Variants in ENPP7 observed in about 807,000 individuals in gnomAD.
The protein encoded by ENPP7 is ectonucleotide pyrophosphatase/phosphodiesterase 7.
A neutral mutation model predicts 33.6 loss-of-function variants in ENPP7; 39 were observed. The ratio of observed to expected loss-of-function variants is 1.16; its 90% CI spans 0.90 to 1.52. The LOEUF (loss-of-function observed/expected upper bound fraction) is 1.52, where lower values mean the gene tolerates loss of function less well. Among genes scored for constraint, ENPP7 ranks in the 40% most tolerant of loss-of-function variants. The pLI is 0.00. For synonymous variants in ENPP7, 244 were observed against 274.3 expected (o/e 0.89, Z 1.09); for missense variants, 594 against 641.0 (o/e 0.93, Z 0.79).
chr17:79,732,122 A>ATG (rs2094287020), intron 1 of ENPP7, among the ~76,000 whole-genome samples: 1 of 34,930 alleles, frequency 2.9e-5, no homozygotes, highest in East Asian at 5.9e-4. Flanking sequence ...ATATATATAC[A>ATG]TATATATATG....
chr17:79,736,168 G>C (rs1422528066), intron 3 of ENPP7, among the ~76,000 whole-genome samples: 1 of 152,158 alleles, frequency 6.6e-6, no homozygotes, highest in African/African-American at 2.4e-5. Flanking sequence ...GCCTCCCAAA[G>C]TTATGGGATT....
chr17:79,734,504 G>A (rs2094291674), intron 2 of ENPP7, among the ~76,000 whole-genome samples: 1 of 148,268 alleles, frequency 6.7e-6, no homozygotes, highest in South Asian at 2.1e-4. Context: ...TTGAGACGGA[G>A]TCTCGCTCTG....
At position 79,731,342 on chromosome 17, in the gene ENPP7, C is replaced by A. The variant is rs782559987; in HGVS notation, c.203C>A (p.Thr68Asn). The A allele has an allele frequency of 1.2e-6, 2 of 1,613,250 alleles. No homozygotes were observed. The highest frequency in any genetic ancestry group is 2.2e-5 in the East Asian group (1 of 44,866). ...GACGGGGTGAAGGCACGCTACATGA[C>A]CCCCGCCTTTGTCACCATGACCAGC... ...ARDGVKARYM[T>N]PAFVTMTSPC... The change falls in exon 1 of 6, where the codon ACC becomes AAC. Residue 68 changes from threonine (T) to asparagine (N), a missense_variant. Thr to Asn is a moderately conservative substitution (Grantham distance 65). Around this residue, in one of 3 missense-constraint regions of ENPP7, gnomAD observed 85 missense variants for 111.3 expected, o/e 0.76. Transcript: ENST00000328313.
At position 79,739,043 on chromosome 17, in the gene ENPP7, C is replaced by G. The variant is rs1438638292; in HGVS notation, c.*16+981C>G. ...AAGAAGAGACGGCCACAGGCAGGGA[C>G]GAGGCAGGCGCGACCTTGTCATTTG... is the stretch of plus-strand genomic sequence containing the variant. On this transcript the variant is annotated intron_variant, in intron 5 of 5. Transcript: ENST00000328313. This position sits in a 1 kb window ranked among gnomAD's most constrained non-coding sequence, Gnocchi z 4.4. 1 of 152,204 alleles carries G rather than the reference C, an allele frequency of 6.6e-6. No homozygotes were observed. Among genetic ancestry groups the G allele is most frequent in the Non-Finnish European group, 1.5e-5 (1 of 68,066 alleles). The allele number at this position is 152,204 out of a possible 1,614,324, so 9.4% of individuals were successfully genotyped here.
chr17:79,735,016 T>C lies in ENPP7; in HGVS notation c.400-27T>C, dbSNP rs782500572. ...CAAGGGGCAGCCCACTGAGGAGTCC[T>C]GTCTTTCACGCTGCCTTGTCTGGCA... On this transcript the variant is annotated intron_variant, in intron 2 of 5. Coordinates refer to ENST00000328313, the MANE Select transcript of ENPP7 (RefSeq NM_178543.5). This position sits in a 1 kb window ranked among gnomAD's most constrained non-coding sequence, Gnocchi z 5.5. The C allele has an allele frequency of 6.2e-7, 1 of 1,607,692 alleles. No homozygotes were observed.
chr17:79,734,394 C>G (rs951084906), intron 2 of ENPP7, among the ~76,000 whole-genome samples: 9 of 151,968 alleles, frequency 5.9e-5, no homozygotes, highest in Non-Finnish European at 2.9e-5. Flanking sequence ...TCACAAGGCT[C>G]TTGATCCAAT....
rs2094300033 is a variant in ENPP7 at position 79,738,440 on chromosome 17, G to A, written c.*16+378G>A. Reference sequence around the variant, plus strand: ...ACCGTCACCTGCGGTGCATTTGGGAGGAGAGCTCTGGGGCTGTGTTCCTGG... The same window carrying A: ...ACCGTCACCTGCGGTGCATTTGGGAAGAGAGCTCTGGGGCTGTGTTCCTGG... On this transcript the variant is annotated intron_variant, in intron 5 of 5. Coordinates refer to ENST00000328313, the MANE Select transcript of ENPP7 (RefSeq NM_178543.5). This position sits in a 1 kb window ranked among gnomAD's most constrained non-coding sequence, Gnocchi z 6.2. 1 of 219,402 alleles carries A rather than the reference G, an allele frequency of 4.6e-6. No individual in the cohort carries two copies. Among genetic ancestry groups the A allele is most frequent in the African/African-American group, 2.2e-5 (1 of 44,898 alleles). The allele number at this position is 219,402 out of a possible 1,614,324, so 13.6% of individuals were successfully genotyped here.
rs781959373 is a variant in ENPP7, at chr17:79,735,554, ACCCCAAG to A, written c.913_919del (p.Pro305SerfsTer25). On this transcript the variant is annotated frameshift_variant, in exon 3 of 6. Transcript: ENST00000328313. LOFTEE classifies it high-confidence loss of function. The surrounding 1 kb of genome is among the most constrained non-coding windows in gnomAD (Gnocchi z 5.5). ...GTGTACGATGCCCTCAAGGACGCCCACCCCAAGCTCCACGTCTACAAGAAGGAGGCGT... is the reference window on the plus strand; with the variant it reads ...GTGTACGATGCCCTCAAGGACGCCCACTCCACGTCTACAAGAAGGAGGCGT... 8.7e-5 allele frequency: 141 copies of A among 1,613,584 alleles called. No homozygotes were observed. The highest frequency in any genetic ancestry group is 1.1e-4 in the Non-Finnish European group (131 of 1,179,978).
At position 79,737,314 on chromosome 17, in the gene ENPP7, C is replaced by A; in HGVS notation, c.1246+54C>A. 1.4e-6 allele frequency: 2 copies of A among 1,447,818 alleles called. No individual in the cohort carries two copies. Among genetic ancestry groups the A allele is most frequent in the Non-Finnish European group, 1.9e-6 (2 of 1,066,446 alleles). 89.7% of individuals were successfully genotyped at this position (1,447,818 alleles called of 1,614,324 possible). On this transcript the variant is annotated intron_variant, in intron 4 of 5. Transcript: ENST00000328313. The surrounding 1 kb of genome is among the most constrained non-coding windows in gnomAD (Gnocchi z 5.5). ...CTGCTCTGGTGTGTACACGTGTGCA[C>A]ACGAGGGTGCCTGCATGCCTGTGAC... is the stretch of plus-strand genomic sequence containing the variant.
rs1470530281 is a variant in ENPP7, at chr17:79,742,068, C to T, written c.*291C>T. 3 of 481,918 alleles carry T rather than the reference C, an allele frequency of 6.2e-6. No homozygotes were observed. The African/African-American group carries it at 6.3e-5, about 10-fold the overall frequency. 29.9% of individuals were successfully genotyped at this position (481,918 alleles called of 1,614,324 possible). A position where few individuals can be genotyped will look rare whatever the true frequency, so the allele number is the denominator to read the frequency against. ...TCGGGCCCCCTCCTCCTGCAAAACC[C>T]GCTCCCGAAGCGGCGCTGCCGTCTG... On this transcript the variant is annotated 3_prime_UTR_variant, in exon 6 of 6. Coordinates refer to ENST00000328313, the MANE Select transcript of ENPP7 (RefSeq NM_178543.5).
rs1555823476 is a variant in ENPP7, at chr17:79,735,678, C to T, written c.1026+9C>T. 7.5e-6 allele frequency: 12 copies of T among 1,596,208 alleles called. No homozygotes were observed. In the East Asian group the frequency reaches 2.7e-4, roughly 36 times the overall value. The stretch of plus-strand genomic sequence containing the variant: ...GCTACGTCATCCATGGGGTGAGTCG[C>T]CTGCTGGAGGCACCACCTCCAGGGG... On this transcript the variant is annotated intron_variant, in intron 3 of 5. Transcript: ENST00000328313. This position sits in a 1 kb window ranked among gnomAD's most constrained non-coding sequence, Gnocchi z 5.5.
Position 79,738,255 on chromosome 17 carries a change from C to G in ENPP7, c.*16+193C>G. 1.7e-6 allele frequency: 1 copy of G among 583,260 alleles called. No homozygotes were observed. Among genetic ancestry groups the G allele is most frequent in the Non-Finnish European group, 3.0e-6 (1 of 328,462 alleles). 36.1% of individuals were successfully genotyped at this position (583,260 alleles called of 1,614,324 possible). On this transcript the variant is annotated intron_variant, in intron 5 of 5. Coordinates refer to ENST00000328313, the MANE Select transcript of ENPP7 (RefSeq NM_178543.5). This position sits in a 1 kb window ranked among gnomAD's most constrained non-coding sequence, Gnocchi z 6.2. ...CCCGAGGCTGACCCTTCCAGCCTCTCTGCTCTGGGCTTGGAGGAGGTCTTT... is the reference window on the plus strand; with the variant it reads ...CCCGAGGCTGACCCTTCCAGCCTCTGTGCTCTGGGCTTGGAGGAGGTCTTT...
chr17:79,731,274 C>A lies in ENPP7; in HGVS notation c.135C>A (p.Tyr45Ter). The A allele has an allele frequency of 1.2e-6, 2 of 1,613,924 alleles. No individual in the cohort carries two copies. The highest frequency in any genetic ancestry group is 1.7e-6 in the Non-Finnish European group (2 of 1,179,984). ...CCTTCGACGGCTTCCGCTGGAACTA[C>A]GACCAGGACGTGGACACCCCCAACC... is the stretch of plus-strand genomic sequence containing the variant. ...LVSFDGFRWN[Y>*]DQDVDTPNLD... Residue 45 changes from tyrosine to a stop codon, truncating the protein, a stop_gained, in exon 1 of 6, where the codon TAC (tyrosine) becomes TAA (stop). Coordinates refer to ENST00000328313, the MANE Select transcript of ENPP7 (RefSeq NM_178543.5). LOFTEE classifies it high-confidence loss of function.
At chr17:79,736,579 C>T (rs769625731) in intron 3 of ENPP7, among the ~76,000 whole-genome samples, 1 of 140,078 alleles carries the variant, frequency 7.1e-6, no homozygotes, top group Non-Finnish European at 1.5e-5. Context: ...GTGTGTGCGT[C>T]CTACGTGTCC....
At chr17:79,734,758 A>G (rs1442609481) in intron 2 of ENPP7, among the ~76,000 whole-genome samples, 2 of 152,178 alleles carry the variant, frequency 1.3e-5, no homozygotes, top group South Asian at 2.1e-4. Flanking sequence ...GATTACAGGC[A>G]TGACCCACTG....
In ENPP7 at chr17:79,741,777, G is replaced by A; in HGVS notation, c.*17-17G>A. The A allele has an allele frequency of 1.0e-6, 1 of 985,736 alleles. No individual in the cohort carries two copies. Among genetic ancestry groups the A allele is most frequent in the Non-Finnish European group, 1.2e-6 (1 of 830,272 alleles). The allele number at this position is 985,736 out of a possible 1,614,324, so 61.1% of individuals were successfully genotyped here. A position where few individuals can be genotyped will look rare whatever the true frequency, so the allele number is the denominator to read the frequency against. ...ATCCTCTCCTCCCAGACCAACGCGT[G>A]CTGCTTGCTCTTCCAGGAAGCCGCC... On this transcript the variant is annotated splice_polypyrimidine_tract_variant and intron_variant, in intron 5 of 5. Coordinates refer to ENST00000328313, the MANE Select transcript of ENPP7 (RefSeq NM_178543.5).
chr17:79,735,783 G>T lies in ENPP7; in HGVS notation c.1026+114G>T. On this transcript the variant is annotated intron_variant, in intron 3 of 5. Transcript: ENST00000328313. This position sits in a 1 kb window ranked among gnomAD's most constrained non-coding sequence, Gnocchi z 5.5. ...TCTGTTGCCCAGGCTGGAGTGCAAT[G>T]GCAGGATCTCAGCTCACTGCAGCCT... 1 of 987,874 alleles carries T rather than the reference G, an allele frequency of 1.0e-6. No homozygotes were observed. Among genetic ancestry groups the T allele is most frequent in the Non-Finnish European group, 1.5e-6 (1 of 679,154 alleles). The allele number at this position is 987,874 out of a possible 1,614,324, so 61.2% of individuals were successfully genotyped here.
In ENPP7 at chr17:79,739,640, G is replaced by C. The variant is rs2094302033; in HGVS notation, c.*16+1578G>C. ...ACAGGAGTCGGGGGGGCCGAGACTT[G>C]TTTCGGCCGTGATCAGCCTCAATGC... On this transcript the variant is annotated intron_variant, in intron 5 of 5. Transcript: ENST00000328313. The surrounding 1 kb of genome is among the most constrained non-coding windows in gnomAD (Gnocchi z 4.4). The C allele has an allele frequency of 6.6e-6, 1 of 152,336 alleles. No individual in the cohort carries two copies. The highest frequency in any genetic ancestry group is 1.5e-5 in the Non-Finnish European group (1 of 68,142). The allele number at this position is 152,336 out of a possible 1,614,324, so 9.4% of individuals were successfully genotyped here.
At chr17:79,736,087 T>C (rs578032720) in intron 3 of ENPP7, among the ~76,000 whole-genome samples, 18 of 152,340 alleles carry the variant, frequency 1.2e-4, no homozygotes, top group African/African-American at 4.1e-4. Flanking sequence ...GTATTTTTAG[T>C]GGAGACAGAG....
Sources: gnomAD v4.1 joint callset for allele counts (sites outside exome capture counted in the v4.1 genomes callset) on GRCh38, gnomAD v4.1.1 for gene constraint, gnomAD v4.1.1 regional missense constraint, Gnocchi (gnomAD v3.1) non-coding constraint, MANE v1.5 for transcripts, NCBI Gene and HGNC (gene_info 2026-07-23, HGNC 2026-07-21) for gene names.